NELL2: variants seen among roughly 807,000 people sequenced by gnomAD.
NELL2 encodes the protein protein kinase C-binding protein NELL2.
Under a neutral mutation model 109.6 loss-of-function variants are expected in NELL2, and 41 were observed. The observed-to-expected ratio is 0.37, with a 90% CI of 0.29 to 0.49. The LOEUF is 0.49. Ranked by LOEUF, NELL2 falls within the 20% of genes least tolerant of loss-of-function variation. The pLI, the probability that NELL2 is intolerant of heterozygous loss-of-function variation, is 0.98. For missense variants in NELL2, 900 were observed against 1,008.3 expected, an observed-to-expected ratio of 0.89 and a Z score of 1.45; for synonymous variants, 355 against 344.7, an observed-to-expected ratio of 1.03 and a Z score of -0.33.
intron 12 of NELL2, among the ~76,000 whole-genome samples, chr12:44,675,095 T>C (rs1948261945): frequency 6.6e-6 from 1 of 152,186 alleles, no homozygotes; most frequent in African/African-American, 2.4e-5. Flanking sequence ...GAATTCATTG[T>C]CTTCTGAGCA....
intron 3 of NELL2, among the ~76,000 whole-genome samples, chr12:44,812,629 G>A (rs1943215309): frequency 6.6e-6 from 1 of 152,114 alleles, no homozygotes; most frequent in African/African-American, 2.4e-5. Context: ...ATAGATGAGT[G>A]AGGAAAAGCA....
At chr12:44,906,860 G>C (rs765700139) in intron 1 of NELL2, among the ~76,000 whole-genome samples, 1 of 152,060 alleles carries the variant, frequency 6.6e-6, no homozygotes, top group Non-Finnish European at 1.5e-5. Flanking sequence ...ATGTATCTGG[G>C]ACTCATAAGT....
chr12:44,876,027 G>T lies in NELL2; in HGVS notation c.-158C>A. On this transcript the variant is annotated 5_prime_UTR_variant, in exon 1 of 20. Coordinates refer to ENST00000429094, the MANE Select transcript of NELL2 (RefSeq NM_001145108.2). ...TAATACGCTTTGGTTGCCTAAGAAAGAAAAGGGAGGCCTCCCCAGGCGCGT... is the reference window on the plus strand; with the variant it reads ...TAATACGCTTTGGTTGCCTAAGAAATAAAAGGGAGGCCTCCCCAGGCGCGT... 6.7e-7 allele frequency: 1 copy of T among 1,496,392 alleles called. No homozygotes were observed. The highest frequency in any genetic ancestry group is 1.4e-5 in the African/African-American group (1 of 71,514). The allele number at this position is 1,496,392 out of a possible 1,614,324, so 92.7% of individuals were successfully genotyped here.
At chr12:44,656,289 T>A (rs950642834) in intron 13 of NELL2, among the ~76,000 whole-genome samples, 7 of 151,206 alleles carry the variant, frequency 4.6e-5, no homozygotes, top group Admixed American at 4.6e-4. Context: ...AAGGCAGGAA[T>A]TTTCCAACTT....
chr12:44,560,992 C>T (rs921322772), intron 15 of NELL2, among the ~76,000 whole-genome samples: 5 of 152,092 alleles, frequency 3.3e-5, no homozygotes, highest in East Asian at 1.9e-4. Flanking sequence ...ATGATCAAGT[C>T]GGCTTCATCC....
chr12:44,666,678 T>G (rs1000556429), intron 12 of NELL2, among the ~76,000 whole-genome samples: 3 of 152,198 alleles, frequency 2.0e-5, no homozygotes, highest in African/African-American at 2.4e-5. Context: ...CTGAGCTAAC[T>G]ATTTATTTTA....
At chr12:44,677,154 G>A (rs1414976854) in intron 12 of NELL2, among the ~76,000 whole-genome samples, 1 of 152,090 alleles carries the variant, frequency 6.6e-6, no homozygotes, top group Non-Finnish European at 1.5e-5. Context: ...GACTATATGC[G>A]AAGAATGTTG....
intron 12 of NELL2, among the ~76,000 whole-genome samples, chr12:44,671,751 A>G (rs958096985): frequency 5.3e-5 from 8 of 152,230 alleles, no homozygotes; most frequent in African/African-American, 1.9e-4. Context: ...AATAGCAAGT[A>G]ACAAGACTGG....
chr12:44,521,995 T>C lies in NELL2; in HGVS notation c.2175+5A>G, dbSNP rs1295617316. The C allele has an allele frequency of 1.2e-6, 2 of 1,611,604 alleles. No individual in the cohort carries two copies. Among genetic ancestry groups the C allele is most frequent in the African/African-American group, 2.7e-5 (2 of 74,704 alleles). ...TTTCTTTCCACTTCATGTAGCTAAA[T>C]TTACCAAGCAGCGGCACTGTTGACA... On this transcript the variant is annotated splice_donor_5th_base_variant and intron_variant, in intron 18 of 19. Coordinates refer to ENST00000429094, the MANE Select transcript of NELL2 (RefSeq NM_001145108.2).
intron 13 of NELL2, among the ~76,000 whole-genome samples, chr12:44,632,311 G>A (rs1946485119): frequency 6.6e-6 from 1 of 152,012 alleles, no homozygotes; most frequent in Non-Finnish European, 1.5e-5. Context: ...GGTGGATCTA[G>A]CCAGCACAGT....
chr12:44,791,187 T>TATAC (rs1403640191), intron 3 of NELL2, among the ~76,000 whole-genome samples: 7 of 26,816 alleles, frequency 2.6e-4, no homozygotes, highest in African/African-American at 9.1e-4. Flanking sequence ...TTCCATCATA[T>TATAC]ATATATATAT....
At chr12:44,535,302 G>A (rs1053496179) in intron 15 of NELL2, among the ~76,000 whole-genome samples, 11 of 151,914 alleles carry the variant, frequency 7.2e-5, no homozygotes, top group African/African-American at 2.2e-4. Flanking sequence ...AGTTGAAATT[G>A]TATTTAATAC....
chr12:44,649,598 C>T (rs1220808283), intron 13 of NELL2, among the ~76,000 whole-genome samples: 1 of 152,174 alleles, frequency 6.6e-6, no homozygotes, highest in Non-Finnish European at 1.5e-5. Context: ...AAGACTGTCA[C>T]AGCATTGAAG....
At chr12:44,745,986 C>T (rs1592450001) in intron 9 of NELL2, among the ~76,000 whole-genome samples, 1 of 152,098 alleles carries the variant, frequency 6.6e-6, no homozygotes, top group Non-Finnish European at 1.5e-5. Context: ...GCCCGCATTG[C>T]CAAGTCAATC....
chr12:44,530,463 T>C lies in NELL2; in HGVS notation c.1804+2118A>G, dbSNP rs560451339. Among the ~76,000 whole-genome samples the C allele has an allele frequency of 3.3e-5, 5 of 152,298 alleles. No individual in the cohort carries two copies. The South Asian group carries it at 1.0e-3, about 32-fold the overall frequency. On this transcript the variant is annotated intron_variant, in intron 16 of 19. Coordinates refer to ENST00000429094, the MANE Select transcript of NELL2 (RefSeq NM_001145108.2). ...TGGACAGTGCTGATGGCCCTTGCAG[T>C]AGGTAGCTTCTGAGATGGCCCCAGT...
At chr12:44,835,269 A>G (rs1049581075) in intron 2 of NELL2, among the ~76,000 whole-genome samples, 15 of 152,228 alleles carry the variant, frequency 9.9e-5, no homozygotes, top group Admixed American at 9.2e-4. Flanking sequence ...AAGGCCAGAC[A>G]GCCAACAGGA....
intron 13 of NELL2, among the ~76,000 whole-genome samples, chr12:44,627,779 G>T (rs912073796): frequency 6.6e-6 from 1 of 152,096 alleles, no homozygotes; most frequent in East Asian, 1.9e-4. Flanking sequence ...TAATAACAAA[G>T]CAATTCCAAC....
intron 9 of NELL2, among the ~76,000 whole-genome samples, chr12:44,724,977 T>C (rs1313290868): frequency 6.6e-6 from 1 of 152,040 alleles, no homozygotes; most frequent in Admixed American, 6.6e-5. Flanking sequence ...TCTGCAACTA[T>C]CTGATCTTCA....
intron 9 of NELL2, among the ~76,000 whole-genome samples, chr12:44,750,959 G>A (rs1309474018): frequency 6.6e-6 from 1 of 152,136 alleles, no homozygotes; most frequent in Non-Finnish European, 1.5e-5. Flanking sequence ...AAGCACTACT[G>A]TCAGAAGAAA....
Sources: allele counts gnomAD v4.1 joint callset (sites outside exome capture counted in the v4.1 genomes callset), GRCh38; gene constraint gnomAD v4.1.1; transcripts MANE v1.5; gene names NCBI Gene and HGNC (gene_info 2026-07-23, HGNC 2026-07-21).